Variants in GABBR2 observed in about 807,000 individuals in gnomAD.
GABBR2 encodes G-protein coupled receptor 51.
Under a neutral mutation model 105.6 loss-of-function variants are expected in GABBR2, and 23 were observed. The observed-to-expected ratio is 0.22, with a 90% CI of 0.16 to 0.31. The LOEUF is 0.31. GABBR2 is among the 10% of genes least tolerant of loss of function. GABBR2 has a pLI of 1.00. For synonymous variants in GABBR2, 478 were observed against 499.7 expected (o/e 0.96, Z 0.58); for missense variants, 734 against 1,245.5 (o/e 0.59, Z 6.18).
At chr9:98,557,835 A>C (rs780453954) in intron 2 of GABBR2, among the ~76,000 whole-genome samples, 3 of 152,236 alleles carry the variant, frequency 2.0e-5, no homozygotes, top group Non-Finnish European at 2.9e-5. Flanking sequence ...CATACTAATT[A>C]AGTTAATAAT....
At chr9:98,675,946 C>T (rs1411898840) in intron 1 of GABBR2, among the ~76,000 whole-genome samples, 1 of 152,148 alleles carries the variant, frequency 6.6e-6, no homozygotes, top group African/African-American at 2.4e-5. Flanking sequence ...GTAATAAAAC[C>T]TCTTCTCACC....
chr9:98,498,079 A>T (rs958187405), intron 3 of GABBR2, among the ~76,000 whole-genome samples: 1 of 152,262 alleles, frequency 6.6e-6, no homozygotes. Flanking sequence ...GACACATGCT[A>T]CAACATGGAT....
At chr9:98,296,722 G>A (rs779776044) in intron 17 of GABBR2, among the ~76,000 whole-genome samples, 9 of 151,978 alleles carry the variant, frequency 5.9e-5, no homozygotes, top group Non-Finnish European at 1.2e-4. Flanking sequence ...TGAGATGTTG[G>A]TCTTTTTCTT....
chr9:98,640,143 T>TATATATAC (rs1230264321), intron 1 of GABBR2, among the ~76,000 whole-genome samples: 11 of 146,832 alleles, frequency 7.5e-5, no homozygotes, highest in Non-Finnish European at 1.5e-4. Flanking sequence ...TATATATATA[T>TATATATAC]ATAAACAATC....
intron 1 of GABBR2, among the ~76,000 whole-genome samples, chr9:98,647,212 A>C (rs1830037107): frequency 6.6e-6 from 1 of 152,218 alleles, no homozygotes; most frequent in South Asian, 2.1e-4. Context: ...CCTTTGAAGG[A>C]CTGAGTTGCC....
chr9:98,465,020 CTT>C (rs1491407557), intron 6 of GABBR2, among the ~76,000 whole-genome samples: 265 of 148,582 alleles, frequency 1.8e-3, no homozygotes, highest in Middle Eastern at 3.6e-3. Context: ...AACCAGAGAC[CTT>C]TGTTCTTGTG....
intron 13 of GABBR2, among the ~76,000 whole-genome samples, chr9:98,336,145 G>A (rs190249147): frequency 9.8e-4 from 149 of 152,346 alleles, no homozygotes; most frequent in African/African-American, 3.2e-3. Context: ...ACAGGAAAGA[G>A]TCTGAAAAGG....
In GABBR2 at chr9:98,290,432, C is replaced by T; in HGVS notation, c.*152G>A. ...GGTGCCAAGTCTCCCCCTGCCCCGT[C>T]CTGTCCACCTGAGTGCCATCCGAGT... On this transcript the variant is annotated 3_prime_UTR_variant, in exon 19 of 19. Transcript: ENST00000259455. 1 of 433,038 alleles carries T rather than the reference C, an allele frequency of 2.3e-6. No individual in the cohort carries two copies. The highest frequency in any genetic ancestry group is 3.9e-6 in the Non-Finnish European group (1 of 253,676). 26.8% of individuals were successfully genotyped at this position (433,038 alleles called of 1,614,324 possible). A position where few individuals can be genotyped will look rare whatever the true frequency, so the allele number is the denominator to read the frequency against.
intron 13 of GABBR2, among the ~76,000 whole-genome samples, chr9:98,340,624 C>T (rs1588111465): frequency 6.6e-6 from 1 of 152,162 alleles, no homozygotes; most frequent in Admixed American, 6.5e-5. Flanking sequence ...GGTAACACCA[C>T]CCTTTATGGA....
rs557682656 is a variant in GABBR2 at position 98,622,197 on chromosome 9, C to T, written c.322-44125G>A. 6.6e-5 allele frequency among the ~76,000 whole-genome samples: 10 copies of T among 152,244 alleles called. No individual in the cohort carries two copies. The East Asian group carries it at 9.6e-4, about 15-fold the overall frequency. The stretch of plus-strand genomic sequence containing the variant: ...CTTTGTTTTTTGAGACAGGGTCTTG[C>T]TCTGTCACCCAGGATGGAGTGCAGT... On this transcript the variant is annotated intron_variant, in intron 1 of 18. Transcript: ENST00000259455.
At chr9:98,502,429 C>T (rs1258274800) in intron 3 of GABBR2, among the ~76,000 whole-genome samples, 1 of 152,182 alleles carries the variant, frequency 6.6e-6, no homozygotes, top group Non-Finnish European at 1.5e-5. Context: ...CCGGGTACTG[C>T]CCTCTCTCTA....
chr9:98,328,339 A>T (rs534005927), intron 13 of GABBR2, among the ~76,000 whole-genome samples: 1 of 152,296 alleles, frequency 6.6e-6, no homozygotes, highest in African/African-American at 2.4e-5. Flanking sequence ...ATTTGGGAGA[A>T]TGTTAAAAAC....
intron 4 of GABBR2, among the ~76,000 whole-genome samples, chr9:98,488,463 A>G (rs1827105918): frequency 6.6e-6 from 1 of 152,208 alleles, no homozygotes; most frequent in African/African-American, 2.4e-5. Context: ...AAAGCCAAAC[A>G]TGGCTCTAAA....
At chr9:98,653,852 T>C (rs1424507137) in intron 1 of GABBR2, among the ~76,000 whole-genome samples, 1 of 152,212 alleles carries the variant, frequency 6.6e-6, no homozygotes, top group Non-Finnish European at 1.5e-5. Context: ...TCCTCGTATT[T>C]AGTGGATGCA....
chr9:98,357,732 T>C (rs1265186983), intron 13 of GABBR2, among the ~76,000 whole-genome samples: 1 of 152,146 alleles, frequency 6.6e-6, no homozygotes, highest in Non-Finnish European at 1.5e-5. Flanking sequence ...ATAATGTATA[T>C]GTACAATTTG....
At chr9:98,426,574 C>A (rs369905619) in intron 7 of GABBR2, among the ~76,000 whole-genome samples, 4 of 152,334 alleles carry the variant, frequency 2.6e-5, no homozygotes, top group African/African-American at 9.6e-5. Context: ...TGATTGAGAA[C>A]CCATTCTCCC....
chr9:98,304,681 G>T (rs758440161), intron 15 of GABBR2, among the ~76,000 whole-genome samples: 2 of 152,190 alleles, frequency 1.3e-5, no homozygotes, highest in Non-Finnish European at 2.9e-5. Context: ...AATGGACCCA[G>T]ATGATCTTTC....
At chr9:98,481,124 G>T in intron 4 of GABBR2, 127 bp from the exon 5 acceptor site, 1 of 711,902 alleles carries the variant, frequency 1.4e-6, no homozygotes, top group Non-Finnish European at 2.6e-6. Flanking sequence ...GGGAAGGTGG[G>T]CAGGGCAGAA....
intron 13 of GABBR2, among the ~76,000 whole-genome samples, chr9:98,357,681 C>CG (rs1831511007): frequency 1.9e-5 from 1 of 53,400 alleles, no homozygotes. Flanking sequence ...AAAACAACAA[C>CG]AAAAAAAAAA....
Sources: allele counts gnomAD v4.1 joint callset (sites outside exome capture counted in the v4.1 genomes callset), GRCh38; gene constraint gnomAD v4.1.1; transcripts MANE v1.5; gene names NCBI Gene and HGNC (gene_info 2026-07-23, HGNC 2026-07-21).